The following URB2 variants were observed in gnomAD, a reference collection of about 807,000 sequenced individuals.
URB2 encodes unhealthy ribosome biogenesis protein 2 homolog.
URB2 carries 86 observed loss-of-function variants against 120.9 expected under a neutral mutation model. That is an observed-to-expected ratio of 0.71 (90% confidence interval 0.60 to 0.85). URB2 has a LOEUF of 0.85. Ranked by LOEUF, URB2 falls within the 40% of genes least tolerant of loss-of-function variation. The pLI, the probability that URB2 is intolerant of heterozygous loss-of-function variation, is 0.00. For synonymous variants in URB2, 755 were observed against 758.4 expected, an observed-to-expected ratio of 1.00 and a Z score of 0.07; for missense variants, 1,765 against 1,836.5, an observed-to-expected ratio of 0.96 and a Z score of 0.71.
At chr1:229,651,899 T>G (rs969388867) in intron 8 of URB2, among the ~76,000 whole-genome samples, 16 of 152,130 alleles carry the variant, frequency 1.1e-4, no homozygotes, top group Non-Finnish European at 2.4e-4. Context: ...TAAAAATTGC[T>G]GGCCGGGCGC....
At chr1:229,626,572 G>A (rs1077954) in intron 1 of URB2, among the ~76,000 whole-genome samples, 1 of 152,220 alleles carries the variant, frequency 6.6e-6, no homozygotes. Flanking sequence ...CTGGCTCCTA[G>A]CTGCTCTCCC....
At position 229,632,425 on chromosome 1, in the gene URB2, C is replaced by T. The variant is rs779904873; in HGVS notation, c.283C>T (p.Leu95Phe). Residue 95 changes from leucine to phenylalanine, a missense_variant, in exon 3 of 10, where the codon CTT becomes TTT. Transcript: ENST00000258243. ...NLLKNGKTIN[L>F]QISLVKIINE... is the part of the protein sequence containing the mutation. ...CCTCAAGAATGGAAAGACCATTAAT[C>T]TTCAGATTTCCCTAGTCAAGGTAAT... 24 of 1,563,146 alleles carry T rather than the reference C, an allele frequency of 1.5e-5. No homozygotes were observed. Among genetic ancestry groups the T allele is most frequent in the Non-Finnish European group, 2.1e-5 (24 of 1,162,990 alleles).
At position 229,646,189 on chromosome 1, in the gene URB2, G is replaced by A. The variant is rs145211586; in HGVS notation, c.3906+220G>A. On this transcript the variant is annotated intron_variant, in intron 6 of 9. Coordinates refer to ENST00000258243, the MANE Select transcript of URB2 (RefSeq NM_014777.4). Reference sequence around the variant, plus strand: ...CAGTGGAAGGGAAGTGCTAACAAGGGACATTTAGTAGCACTGGGAAGCATC... The same window carrying A: ...CAGTGGAAGGGAAGTGCTAACAAGGAACATTTAGTAGCACTGGGAAGCATC... Among the ~76,000 whole-genome samples, 574 of 152,306 alleles carry A rather than the reference G, an allele frequency of 3.8e-3. 4 individuals are homozygous for A. Among genetic ancestry groups the A allele is most frequent in the African/African-American group, 0.013 (554 of 41,564 alleles).
intron 1 of URB2, among the ~76,000 whole-genome samples, chr1:229,627,256 A>G (rs937693778): frequency 7.2e-5 from 11 of 152,184 alleles, no homozygotes; most frequent in African/African-American, 1.2e-4. Context: ...TCCTCTTTCA[A>G]TTTGAAACCA....
intron 2 of URB2, among the ~76,000 whole-genome samples, chr1:229,629,573 ATATCT>A (rs368588409): frequency 1.3e-5 from 2 of 152,228 alleles, no homozygotes; most frequent in African/African-American, 4.8e-5. Context: ...AAAAAAGTAC[ATATCT>A]TAATTTTAAA....
intron 4 of URB2, among the ~76,000 whole-genome samples, chr1:229,639,558 G>A (rs1208470154): frequency 6.6e-6 from 1 of 151,970 alleles, no homozygotes; most frequent in Non-Finnish European, 1.5e-5. Context: ...GGATGGTCTC[G>A]ATATCCTGAC....
chr1:229,640,377 A>G (rs1394404536), intron 4 of URB2, among the ~76,000 whole-genome samples: 2 of 152,174 alleles, frequency 1.3e-5, no homozygotes, highest in Non-Finnish European at 2.9e-5. Context: ...CTCCTCCCAA[A>G]CAAACAGTTA....
chr1:229,647,228 A>G (rs1666166700), intron 6 of URB2, among the ~76,000 whole-genome samples: 1 of 152,328 alleles, frequency 6.6e-6, no homozygotes, highest in East Asian at 1.9e-4. Context: ...TGTGTATCTG[A>G]GAAGGAGGGT....
Position 229,647,600 on chromosome 1 carries a change from G to T in URB2, c.3997G>T (p.Gly1333Trp), listed in dbSNP as rs766456989. Residue 1333 changes from glycine to tryptophan, a missense_variant, in exon 7 of 10, where the codon GGG (glycine) becomes TGG (tryptophan). Transcript: ENST00000258243. ...TGTCCTGGCTGCACTGCTGCGGCAGGGGGAGGAGGCCATCGGCAACCCCCA... is the reference window on the plus strand; with the variant it reads ...TGTCCTGGCTGCACTGCTGCGGCAGTGGGAGGAGGCCATCGGCAACCCCCA... ...LDVLAALLRQ[G>W]EEAIGNPHHV... 6.2e-7 allele frequency: 1 copy of T among 1,614,202 alleles called. No individual in the cohort carries two copies. Among genetic ancestry groups the T allele is most frequent in the South Asian group, 1.1e-5 (1 of 91,078 alleles).
At chr1:229,655,727 A>G (rs77593473) in intron 9 of URB2, among the ~76,000 whole-genome samples, 8,005 of 152,268 alleles carry the variant, frequency 0.053, 295 homozygotes, top group Non-Finnish European at 0.08. Flanking sequence ...ATGTATAGAT[A>G]TACATTTATA....
At chr1:229,657,743 AC>A (rs1417315234) in intron 9 of URB2, among the ~76,000 whole-genome samples, 1 of 152,218 alleles carries the variant, frequency 6.6e-6, no homozygotes, top group Non-Finnish European at 1.5e-5. Flanking sequence ...TAAGATGATC[AC>A]TTGTCAGAAA....
intron 4 of URB2, among the ~76,000 whole-genome samples, chr1:229,640,369 C>G (rs1665973998): frequency 1.3e-5 from 2 of 152,278 alleles, no homozygotes; most frequent in South Asian, 4.1e-4. Context: ...CACTTTTACT[C>G]CTCCCAAACA....
At chr1:229,629,126 A>G (rs191794540) in intron 2 of URB2, among the ~76,000 whole-genome samples, 83 of 152,334 alleles carry the variant, frequency 5.4e-4, no homozygotes, top group African/African-American at 2.0e-3. Context: ...GCTTTCTTCA[A>G]TGTTTTGTGA....
intron 9 of URB2, among the ~76,000 whole-genome samples, chr1:229,656,183 C>G (rs966309651): frequency 6.6e-6 from 1 of 152,218 alleles, no homozygotes; most frequent in Non-Finnish European, 1.5e-5. Context: ...ATTTCCCAAG[C>G]ACACCAGTCG....
chr1:229,647,388 G>A (rs141021276), intron 6 of URB2, 122 bp from the exon 7 acceptor site: 8 of 1,248,876 alleles, frequency 6.4e-6, no homozygotes, highest in African/African-American at 1.5e-5. Context: ...AACGGCCCAC[G>A]GACCACATCA....
intron 5 of URB2, among the ~76,000 whole-genome samples, chr1:229,644,601 A>G (rs943626437): frequency 2.6e-5 from 4 of 151,968 alleles, no homozygotes; most frequent in African/African-American, 9.7e-5. Flanking sequence ...AAGTGGTGCC[A>G]GGGGGGCAGG....
intron 8 of URB2, among the ~76,000 whole-genome samples, chr1:229,651,730 C>T (rs1012743013): frequency 3.3e-5 from 5 of 152,152 alleles, no homozygotes; most frequent in South Asian, 2.1e-4. Flanking sequence ...AAGGTCCTGC[C>T]GCTCACTGTT....
At position 229,636,159 on chromosome 1, in the gene URB2, C is replaced by G; in HGVS notation, c.1546C>G (p.Leu516Val). ...PPSQILDTWS[L>V]VLEKFQSLVL... Reference sequence around the variant, plus strand: ...AAGTCAGATCCTGGACACGTGGTCCCTTGTGCTGGAGAAGTTCCAGTCTTT... The same window carrying G: ...AAGTCAGATCCTGGACACGTGGTCCGTTGTGCTGGAGAAGTTCCAGTCTTT... The change falls in exon 4 of 10, where the codon CTT (leucine) becomes GTT (valine). Residue 516 changes from leucine (L) to valine (V), a missense_variant. Leu to Val is a conservative substitution (Grantham distance 32). Transcript: ENST00000258243. 6.2e-7 allele frequency: 1 copy of G among 1,614,250 alleles called. No individual in the cohort carries two copies. Among genetic ancestry groups the G allele is most frequent in the East Asian group, 2.2e-5 (1 of 44,888 alleles).
At chr1:229,641,483 C>G (rs576192502) in intron 4 of URB2, among the ~76,000 whole-genome samples, 1 of 152,254 alleles carries the variant, frequency 6.6e-6, no homozygotes, top group East Asian at 1.9e-4. Context: ...AGGCCTCTTC[C>G]ACCTGAGCTG....
Sources: gnomAD v4.1 joint callset for allele counts (sites outside exome capture counted in the v4.1 genomes callset) on GRCh38, gnomAD v4.1.1 for gene constraint, MANE v1.5 for transcripts, NCBI Gene and HGNC (gene_info 2026-07-23, HGNC 2026-07-21) for gene names.